The following CDH13 variants were observed in gnomAD, a reference collection of about 807,000 sequenced individuals.
CDH13 encodes cadherin 13, also known as cadherin-13.
CDH13 carries 24 observed loss-of-function variants against 63.8 expected under a neutral mutation model. The ratio of observed to expected loss-of-function variants is 0.38; its 90% CI spans 0.27 to 0.53. The LOEUF (loss-of-function observed/expected upper bound fraction) is 0.53. Among genes scored for constraint, CDH13 ranks in the 20% least tolerant of loss-of-function variants. The pLI is 0.85. For synonymous variants in CDH13, 503 were observed against 355.3 expected (o/e 1.42, Z -4.67); for missense variants, 1,049 against 903.1 (o/e 1.16, Z -2.07).
intron 1 of CDH13, among the ~76,000 whole-genome samples, chr16:82,694,119 C>T (rs1262308095): frequency 2.0e-5 from 3 of 152,192 alleles, no homozygotes; most frequent in Non-Finnish European, 2.9e-5. Flanking sequence ...CTCAATAATT[C>T]TGTCTCCCCA....
intron 7 of CDH13, among the ~76,000 whole-genome samples, chr16:83,580,491 TCTCTCTCTCTC>T (rs1905479028): frequency 8.3e-6 from 1 of 120,986 alleles, no homozygotes; most frequent in East Asian, 2.0e-4. Flanking sequence ...TCTCTCTCTC[TCTCTCTCTCTC>T]TCTCTAAGTC....
At chr16:83,439,696 T>C (rs977916398) in intron 6 of CDH13, among the ~76,000 whole-genome samples, 1 of 152,236 alleles carries the variant, frequency 6.6e-6, no homozygotes, top group African/African-American at 2.4e-5. Flanking sequence ...TATGGTCTGA[T>C]TGACTGTGGT....
intron 2 of CDH13, among the ~76,000 whole-genome samples, chr16:83,026,400 C>G (rs1346574933): frequency 6.6e-6 from 1 of 152,178 alleles, no homozygotes; most frequent in Non-Finnish European, 1.5e-5. Context: ...AGTCTCTTCT[C>G]CTGTAAAATA....
intron 6 of CDH13, among the ~76,000 whole-genome samples, chr16:83,376,378 C>T (rs1189249714): frequency 6.6e-6 from 1 of 152,028 alleles, no homozygotes; most frequent in Non-Finnish European, 1.5e-5. Context: ...ACTTCAAGGA[C>T]TAAGAGTGAA....
chr16:83,279,295 C>G (rs1454551213), intron 5 of CDH13, among the ~76,000 whole-genome samples: 1 of 151,980 alleles, frequency 6.6e-6, no homozygotes, highest in Non-Finnish European at 1.5e-5. Flanking sequence ...TATTTCATCC[C>G]CGAGGATTTG....
At chr16:82,678,659 T>C (rs1428411674) in intron 1 of CDH13, among the ~76,000 whole-genome samples, 1 of 152,192 alleles carries the variant, frequency 6.6e-6, no homozygotes, top group Non-Finnish European at 1.5e-5. Context: ...TAAGGGTATA[T>C]ACCTACTTCT....
chr16:83,747,408 C>A, intron 10 of CDH13, among the ~76,000 whole-genome samples: 1 of 152,272 alleles, frequency 6.6e-6, no homozygotes, highest in East Asian at 1.9e-4. Flanking sequence ...TCTGCCACCA[C>A]GTAAGACATG....
At chr16:83,268,438 C>T (rs1037958377) in intron 5 of CDH13, among the ~76,000 whole-genome samples, 4 of 152,148 alleles carry the variant, frequency 2.6e-5, no homozygotes, top group African/African-American at 9.7e-5. Context: ...ACAGTTACCA[C>T]ATTTTTTCCA....
chr16:83,112,244 A>G (rs1411291028), intron 3 of CDH13, among the ~76,000 whole-genome samples: 2 of 152,202 alleles, frequency 1.3e-5, no homozygotes, highest in Admixed American at 6.5e-5. Context: ...CAGGCTAATT[A>G]CTCTAGCAAA....
At chr16:83,586,501 G>C (rs1906171970) in intron 7 of CDH13, among the ~76,000 whole-genome samples, 1 of 152,198 alleles carries the variant, frequency 6.6e-6, no homozygotes, top group Admixed American at 6.5e-5. Context: ...TGTCTGTCTG[G>C]GAGTCTGAGC....
intron 1 of CDH13, among the ~76,000 whole-genome samples, chr16:82,732,929 G>C (rs1023244049): frequency 2.0e-5 from 3 of 152,172 alleles, no homozygotes; most frequent in Admixed American, 6.5e-5. Context: ...TTAAATTTAA[G>C]TTTAGGATCT....
chr16:83,695,991 G>T (rs1001370187), intron 10 of CDH13, among the ~76,000 whole-genome samples: 6 of 151,836 alleles, frequency 4.0e-5, no homozygotes, highest in African/African-American at 1.2e-4. Flanking sequence ...CTGGGCTCAA[G>T]GGATCCTCCC....
At chr16:83,494,096 T>C (rs1206932865) in intron 7 of CDH13, among the ~76,000 whole-genome samples, 7 of 152,244 alleles carry the variant, frequency 4.6e-5, no homozygotes, top group Admixed American at 4.6e-4. Flanking sequence ...GAAGAAAGAT[T>C]CATCTTTTTA....
At chr16:83,363,308 A>G (rs1597835385) in intron 6 of CDH13, among the ~76,000 whole-genome samples, 1 of 152,200 alleles carries the variant, frequency 6.6e-6, no homozygotes, top group Admixed American at 6.5e-5. Flanking sequence ...TTGTGGCTCC[A>G]AGAAAAAGAA....
intron 2 of CDH13, among the ~76,000 whole-genome samples, chr16:82,924,450 T>G (rs1045831541): frequency 6.6e-6 from 1 of 152,220 alleles, no homozygotes; most frequent in Non-Finnish European, 1.5e-5. Context: ...ATTTATTTAC[T>G]CAGGTGGTGG....
chr16:82,740,180 C>A (rs1408020739), intron 1 of CDH13, among the ~76,000 whole-genome samples: 1 of 152,170 alleles, frequency 6.6e-6, no homozygotes, highest in Admixed American at 6.5e-5. Flanking sequence ...GAGCTCATAT[C>A]TGTCTATTTA....
chr16:82,942,830 C>G (rs1204682007), intron 2 of CDH13, among the ~76,000 whole-genome samples: 1 of 152,174 alleles, frequency 6.6e-6, no homozygotes, highest in Admixed American at 6.6e-5. Context: ...TAGATCCACC[C>G]TCTTCCCATG....
At chr16:82,741,795 A>G (rs932921007) in intron 1 of CDH13, among the ~76,000 whole-genome samples, 3 of 152,226 alleles carry the variant, frequency 2.0e-5, no homozygotes, top group African/African-American at 7.2e-5. Flanking sequence ...TAGAAAGACA[A>G]GACATAGTAT....
chr16:83,548,422 C>G (rs928905062), intron 7 of CDH13, among the ~76,000 whole-genome samples: 2 of 152,132 alleles, frequency 1.3e-5, no homozygotes, highest in Admixed American at 1.3e-4. Context: ...AGGGCAGCCC[C>G]TCCCCCAACA....
Sources: gnomAD v4.1 joint callset for allele counts (sites outside exome capture counted in the v4.1 genomes callset) on GRCh38, gnomAD v4.1.1 for gene constraint, MANE v1.5 for transcripts, NCBI Gene and HGNC (gene_info 2026-07-23, HGNC 2026-07-21) for gene names.